The following AFF3 variants were observed in gnomAD, a reference collection of about 807,000 sequenced individuals.
AFF3 encodes the protein AF4/FMR2 family member 3.
AFF3 carries 32 observed loss-of-function variants against 129.7 expected under a neutral mutation model. The observed-to-expected ratio is 0.25, with a 90% CI of 0.19 to 0.33. The LOEUF (loss-of-function observed/expected upper bound fraction) is 0.33. Among genes scored for constraint, AFF3 ranks in the 10% least tolerant of loss-of-function variants. AFF3 has a pLI of 1.00. For synonymous variants in AFF3, 644 were observed against 635.4 expected, an observed-to-expected ratio of 1.01 and a Z score of -0.20; for missense variants, 1,373 against 1,592.0, an observed-to-expected ratio of 0.86 and a Z score of 2.34.
intron 22 of AFF3, 145 bp from the exon 23 acceptor site, chr2:99,554,877 A>G: frequency 1.2e-6 from 1 of 862,260 alleles, no homozygotes; most frequent in Admixed American, 2.2e-5. Flanking sequence ...GGACCTGGGA[A>G]GTCTCCATCA....
chr2:99,822,871 G>A (rs1687796449), intron 8 of AFF3, among the ~76,000 whole-genome samples: 1 of 152,110 alleles, frequency 6.6e-6, no homozygotes, highest in African/African-American at 2.4e-5. Context: ...GGCTCCTGGC[G>A]ACTTCAGCAG....
intron 7 of AFF3, among the ~76,000 whole-genome samples, chr2:99,974,486 T>C (rs1404594985): frequency 2.0e-5 from 3 of 152,170 alleles, no homozygotes; most frequent in Non-Finnish European, 2.9e-5. Context: ...AAGAAGCTAA[T>C]TGCAGTGATG....
chr2:99,803,604 A>G (rs753937724), intron 8 of AFF3, among the ~76,000 whole-genome samples: 8 of 152,218 alleles, frequency 5.3e-5, no homozygotes, highest in Non-Finnish European at 8.8e-5. Context: ...AAGGAGCCAA[A>G]AAAGAGGCTG....
At chr2:100,068,351 T>C (rs1446096142) in intron 4 of AFF3, among the ~76,000 whole-genome samples, 1 of 152,156 alleles carries the variant, frequency 6.6e-6, no homozygotes, top group African/African-American at 2.4e-5. Flanking sequence ...AATCTGCCAC[T>C]GGGAGAAACA....
At chr2:99,783,431 G>A (rs913042653) in intron 8 of AFF3, among the ~76,000 whole-genome samples, 3 of 152,172 alleles carry the variant, frequency 2.0e-5, no homozygotes, top group African/African-American at 7.2e-5. Flanking sequence ...GGGTACCAGT[G>A]GCTGTGCTGC....
chr2:100,064,885 C>G (rs1276980391), intron 4 of AFF3, among the ~76,000 whole-genome samples: 1 of 152,218 alleles, frequency 6.6e-6, no homozygotes, highest in Non-Finnish European at 1.5e-5. Context: ...CCATATACAT[C>G]AGCTAGCCAG....
chr2:99,673,637 G>C (rs1330842701), intron 11 of AFF3, among the ~76,000 whole-genome samples: 3 of 152,222 alleles, frequency 2.0e-5, no homozygotes, highest in East Asian at 3.9e-4. Context: ...CCATACATCA[G>C]TGTGAAGCCC....
intron 7 of AFF3, among the ~76,000 whole-genome samples, chr2:99,972,581 C>T (rs181797434): frequency 6.6e-6 from 1 of 152,318 alleles, no homozygotes; most frequent in East Asian, 1.9e-4. Flanking sequence ...AGTTATTGGG[C>T]CTTTATGGTA....
At chr2:100,127,144 T>C (rs1465504557) in intron 2 of AFF3, among the ~76,000 whole-genome samples, 1 of 152,124 alleles carries the variant, frequency 6.6e-6, no homozygotes, top group Non-Finnish European at 1.5e-5. Flanking sequence ...CAATCACAGT[T>C]CATCCAGTCA....
At chr2:99,634,909 G>T (rs185582139) in intron 13 of AFF3, among the ~76,000 whole-genome samples, 3 of 150,864 alleles carry the variant, frequency 2.0e-5, no homozygotes, top group African/African-American at 7.3e-5. Context: ...GGCCCCATGT[G>T]CAGTGCTCAG....
At chr2:99,791,649 C>T (rs1012038802) in intron 8 of AFF3, among the ~76,000 whole-genome samples, 122 of 152,150 alleles carry the variant, frequency 8.0e-4, no homozygotes, top group African/African-American at 2.9e-3. Flanking sequence ...ATTTCATACT[C>T]ACAGTGCTTT....
At chr2:99,891,023 CCA>C (rs1056016481) in intron 7 of AFF3, among the ~76,000 whole-genome samples, 3 of 152,160 alleles carry the variant, frequency 2.0e-5, no homozygotes, top group African/African-American at 7.2e-5. Context: ...AGGGGACATG[CCA>C]CACACGGTGG....
intron 1 of AFF3, among the ~76,000 whole-genome samples, chr2:100,130,110 C>A (rs1024643123): frequency 6.6e-6 from 1 of 152,300 alleles, no homozygotes; most frequent in East Asian, 1.9e-4. Context: ...TTCAGTAGCT[C>A]CCTGTCAGTT....
chr2:100,016,700 G>A (rs1315451677), intron 4 of AFF3, among the ~76,000 whole-genome samples: 15 of 151,434 alleles, frequency 9.9e-5, no homozygotes, highest in East Asian at 3.9e-4. Context: ...TGGTGGTGGC[G>A]GTAGTGGCGG....
chr2:99,743,007 T>C (rs537040251), intron 10 of AFF3, among the ~76,000 whole-genome samples: 1 of 152,362 alleles, frequency 6.6e-6, no homozygotes, highest in East Asian at 1.9e-4. Flanking sequence ...GTCTGTGGTG[T>C]GCGATGCTGA....
chr2:99,926,473 C>G (rs1696247231), intron 7 of AFF3, among the ~76,000 whole-genome samples: 1 of 152,226 alleles, frequency 6.6e-6, no homozygotes, highest in South Asian at 2.1e-4. Context: ...CAAACTCAAA[C>G]CACCTACTTC....
At chr2:99,863,473 C>T (rs1166672519) in intron 7 of AFF3, among the ~76,000 whole-genome samples, 1 of 152,070 alleles carries the variant, frequency 6.6e-6, no homozygotes, top group Non-Finnish European at 1.5e-5. Flanking sequence ...CCTAACTCTT[C>T]AGCCACTATA....
intron 7 of AFF3, among the ~76,000 whole-genome samples, chr2:99,982,222 A>C (rs1382907995): frequency 1.3e-5 from 2 of 152,140 alleles, no homozygotes; most frequent in Non-Finnish European, 2.9e-5. Flanking sequence ...TGTGGGACAG[A>C]CCAGGTGGGA....
At chr2:99,581,666 G>C (rs1310281438) in intron 17 of AFF3, among the ~76,000 whole-genome samples, 1 of 150,988 alleles carries the variant, frequency 6.6e-6, no homozygotes, top group Non-Finnish European at 1.5e-5. Context: ...TTACAGGCAT[G>C]TGCCACCACG....
Sources: allele counts gnomAD v4.1 joint callset (sites outside exome capture counted in the v4.1 genomes callset), GRCh38; gene constraint gnomAD v4.1.1; transcripts MANE v1.5; gene names NCBI Gene and HGNC (gene_info 2026-07-23, HGNC 2026-07-21).